Variants in CCDC85A observed in about 807,000 individuals in gnomAD.
CCDC85A encodes coiled-coil domain-containing protein 85A.
A neutral mutation model predicts 50.2 loss-of-function variants in CCDC85A; 38 were observed. That is an observed-to-expected ratio of 0.76 (90% CI 0.58 to 0.99). CCDC85A has a LOEUF of 0.99. Among genes scored for constraint, CCDC85A ranks in the 50% least tolerant of loss-of-function variants. CCDC85A has a pLI of 0.00. For missense variants in CCDC85A, 820 were observed against 742.0 expected (o/e 1.11, Z -1.22); for synonymous variants, 366 against 301.4 (o/e 1.21, Z -2.22).
chr2:56,290,385 GA>G (rs1166092707), intron 2 of CCDC85A, among the ~76,000 whole-genome samples: 1 of 152,076 alleles, frequency 6.6e-6, no homozygotes, highest in African/African-American at 2.4e-5. Context: ...GTGGGGGTGG[GA>G]AAGAGAACAG....
chr2:56,232,777 T>C lies in CCDC85A; in HGVS notation c.1240+39337T>C, dbSNP rs146149104. 1.8e-3 allele frequency among the ~76,000 whole-genome samples: 268 copies of C among 152,278 alleles called. 2 individuals are homozygous for C. Among genetic ancestry groups the C allele is most frequent in the African/African-American group, 6.0e-3 (251 of 41,562 alleles). ...GGTCATTCCCATATTTCTCCATCTT[T>C]ATTATAACTACCCTGGTCCAAGACA... is the stretch of plus-strand genomic sequence containing the variant. On this transcript the variant is annotated intron_variant, in intron 2 of 5. Transcript: ENST00000407595.
intron 2 of CCDC85A, among the ~76,000 whole-genome samples, chr2:56,257,450 G>A (rs1349195946): frequency 6.6e-6 from 1 of 152,128 alleles, no homozygotes; most frequent in Non-Finnish European, 1.5e-5. Flanking sequence ...TAAACAGCTA[G>A]GGGCAAGCAT....
chr2:56,275,874 G>A (rs1053956164), intron 2 of CCDC85A, among the ~76,000 whole-genome samples: 9 of 152,158 alleles, frequency 5.9e-5, no homozygotes, highest in South Asian at 4.1e-4. Context: ...AGTTCATCAC[G>A]AATCTTCTGA....
intron 2 of CCDC85A, among the ~76,000 whole-genome samples, chr2:56,332,288 G>A (rs990157420): frequency 6.6e-6 from 1 of 152,010 alleles, no homozygotes; most frequent in Non-Finnish European, 1.5e-5. Flanking sequence ...AGTCCTTTTG[G>A]GCTGATACAA....
At chr2:56,333,656 G>T (rs1440048292) in intron 2 of CCDC85A, among the ~76,000 whole-genome samples, 1 of 152,126 alleles carries the variant, frequency 6.6e-6, no homozygotes, top group African/African-American at 2.4e-5. Flanking sequence ...AAGAATAGAA[G>T]CAGGTACTTT....
At chr2:56,279,869 G>A (rs1202311859) in intron 2 of CCDC85A, among the ~76,000 whole-genome samples, 2 of 152,070 alleles carry the variant, frequency 1.3e-5, no homozygotes, top group African/African-American at 4.8e-5. Flanking sequence ...TCATATCTTG[G>A]ATATTGTGAA....
chr2:56,185,985 GA>G (rs61647758), intron 1 of CCDC85A, among the ~76,000 whole-genome samples: 3,062 of 152,282 alleles, frequency 0.02, 52 homozygotes, highest in South Asian at 0.048. Flanking sequence ...CCACATATCA[GA>G]CAGTAGATGC....
chr2:56,188,286 G>C (rs1676138298), intron 1 of CCDC85A, among the ~76,000 whole-genome samples: 1 of 152,212 alleles, frequency 6.6e-6, no homozygotes, highest in Admixed American at 6.5e-5. Context: ...GCTCAGAACT[G>C]AATAGTAAAT....
chr2:56,217,571 A>G (rs1668126697), intron 2 of CCDC85A, among the ~76,000 whole-genome samples: 1 of 151,886 alleles, frequency 6.6e-6, no homozygotes, highest in Admixed American at 6.6e-5. Context: ...TAAGTAGACA[A>G]TTGTTTTATT....
chr2:56,314,010 C>G (rs1030031806), intron 2 of CCDC85A, among the ~76,000 whole-genome samples: 1 of 150,046 alleles, frequency 6.7e-6, no homozygotes, highest in African/African-American at 2.5e-5. Context: ...GGCTGGTGAT[C>G]AGCCATGTTG....
chr2:56,293,957 A>G (rs1671834456), intron 2 of CCDC85A, among the ~76,000 whole-genome samples: 1 of 152,250 alleles, frequency 6.6e-6, no homozygotes, highest in African/African-American at 2.4e-5. Context: ...ATTACTGGGT[A>G]TACACCCAAA....
intron 2 of CCDC85A, among the ~76,000 whole-genome samples, chr2:56,285,329 C>A (rs953167203): frequency 6.6e-6 from 1 of 150,926 alleles, no homozygotes; most frequent in African/African-American, 2.4e-5. Context: ...ATCTTGAACT[C>A]CTGACGTTAA....
intron 2 of CCDC85A, among the ~76,000 whole-genome samples, chr2:56,253,169 C>G (rs1669841571): frequency 6.6e-6 from 1 of 152,170 alleles, no homozygotes; most frequent in Non-Finnish European, 1.5e-5. Context: ...AGAATTTTAC[C>G]AGCACCCAGA....
intron 2 of CCDC85A, among the ~76,000 whole-genome samples, chr2:56,278,242 A>T (rs181331331): frequency 1.3e-5 from 2 of 152,240 alleles, no homozygotes; most frequent in East Asian, 3.9e-4. Context: ...AATAAAATCA[A>T]GAAAATGATT....
intron 3 of CCDC85A, among the ~76,000 whole-genome samples, chr2:56,371,096 G>C (rs1209808888): frequency 6.6e-6 from 1 of 152,080 alleles, no homozygotes; most frequent in Admixed American, 6.6e-5. Flanking sequence ...TATCAAAAGA[G>C]CAATGTTCAA....
At chr2:56,198,017 T>G (rs969898084) in intron 2 of CCDC85A, among the ~76,000 whole-genome samples, 2 of 85,680 alleles carry the variant, frequency 2.3e-5, no homozygotes. Context: ...ATATTGCATT[T>G]CAAATCTCCC....
At chr2:56,368,035 G>A (rs1027725035) in intron 3 of CCDC85A, among the ~76,000 whole-genome samples, 6 of 152,196 alleles carry the variant, frequency 3.9e-5, no homozygotes, top group East Asian at 1.9e-4. Flanking sequence ...CCTGGAGTCT[G>A]TGATTTGAAC....
At chr2:56,286,414 A>T (rs1038953537) in intron 2 of CCDC85A, among the ~76,000 whole-genome samples, 95 of 152,244 alleles carry the variant, frequency 6.2e-4, no homozygotes, top group African/African-American at 1.9e-3. Flanking sequence ...AAATTTTTTT[A>T]AAATGCTTTC....
intron 3 of CCDC85A, among the ~76,000 whole-genome samples, chr2:56,352,230 G>C (rs1674985963): frequency 1.3e-5 from 2 of 152,054 alleles, no homozygotes; most frequent in Non-Finnish European, 2.9e-5. Context: ...TGTAATATAT[G>C]CAATATCTAT....
Sources: gnomAD v4.1 joint callset for allele counts (sites outside exome capture counted in the v4.1 genomes callset) on GRCh38, gnomAD v4.1.1 for gene constraint, MANE v1.5 for transcripts, NCBI Gene and HGNC (gene_info 2026-07-23, HGNC 2026-07-21) for gene names.